The following ADAMTS19 variants were observed in gnomAD, a reference collection of about 807,000 sequenced individuals.
The protein encoded by ADAMTS19 is A disintegrin and metalloproteinase with thrombospondin motifs 19.
A neutral mutation model predicts 153.3 loss-of-function variants in ADAMTS19; 93 were observed. The ratio of observed to expected loss-of-function variants is 0.61; its 90% CI spans 0.51 to 0.72. The LOEUF is 0.72. Among genes scored for constraint, ADAMTS19 ranks in the 30% least tolerant of loss-of-function variants. The pLI, the probability that ADAMTS19 is intolerant of heterozygous loss-of-function variation, is 0.00. For synonymous variants in ADAMTS19, 600 were observed against 556.6 expected (o/e 1.08, Z -1.10); for missense variants, 1,482 against 1,552.1 (o/e 0.95, Z 0.76).
intron 14 of ADAMTS19, among the ~76,000 whole-genome samples, chr5:129,656,348 C>T (rs1581193082): frequency 6.6e-6 from 1 of 152,132 alleles, no homozygotes; most frequent in African/African-American, 2.4e-5. Flanking sequence ...TTTAGTTTTT[C>T]TGACAACCCT....
intron 6 of ADAMTS19, among the ~76,000 whole-genome samples, chr5:129,540,748 T>A (rs898571895): frequency 6.6e-6 from 1 of 152,114 alleles, no homozygotes; most frequent in Non-Finnish European, 1.5e-5. Flanking sequence ...TATTCTCAGA[T>A]GCATCTTCAT....
intron 6 of ADAMTS19, among the ~76,000 whole-genome samples, chr5:129,534,852 G>A (rs1752356060): frequency 6.6e-6 from 1 of 152,082 alleles, no homozygotes; most frequent in South Asian, 2.1e-4. Flanking sequence ...ATGCAGAAAA[G>A]GCCTTTGACA....
intron 7 of ADAMTS19, among the ~76,000 whole-genome samples, chr5:129,582,739 AT>A (rs57833122): frequency 0.2 from 27,853 of 140,754 alleles, 3,782 homozygotes; most frequent in African/African-American, 0.41. Flanking sequence ...TGCCCAGCTA[AT>A]TTTTTTTTTT....
chr5:129,680,398 T>C (rs925621054), intron 17 of ADAMTS19, among the ~76,000 whole-genome samples: 1 of 152,166 alleles, frequency 6.6e-6, no homozygotes, highest in Non-Finnish European at 1.5e-5. Context: ...TTGTTATTAA[T>C]GGATTTTTGT....
intron 7 of ADAMTS19, among the ~76,000 whole-genome samples, chr5:129,552,132 A>G (rs1017304409): frequency 1.3e-5 from 2 of 151,946 alleles, no homozygotes; most frequent in African/African-American, 4.8e-5. Context: ...CTTTAAGGCT[A>G]TAATTAGTCC....
chr5:129,509,005 A>G, intron 2 of ADAMTS19, 72 bp from the exon 3 acceptor site: 3 of 1,279,990 alleles, frequency 2.3e-6, no homozygotes, highest in Non-Finnish European at 2.1e-6. Context: ...AACAGAATGT[A>G]TGAATGGAAG....
intron 13 of ADAMTS19, among the ~76,000 whole-genome samples, chr5:129,650,753 T>G (rs1175817978): frequency 6.6e-6 from 1 of 152,034 alleles, no homozygotes; most frequent in Non-Finnish European, 1.5e-5. Context: ...TATTTAAGAC[T>G]CTCCCACTAA....
At position 129,688,347 on chromosome 5, in the gene ADAMTS19, T is replaced by G. The variant is rs77773223; in HGVS notation, c.2818+4074T>G. ...GCAAGTAAAGTATCACAGGGCAGTA[T>G]AAAATGTGTGTATAAGATGTTATTT... On this transcript the variant is annotated intron_variant, in intron 18 of 22. Coordinates refer to ENST00000274487, the MANE Select transcript of ADAMTS19 (RefSeq NM_133638.6). The G allele has an allele frequency of 3.1e-3, 478 of 152,290 alleles. 2 individuals are homozygous for G. Among genetic ancestry groups the G allele is most frequent in the African/African-American group, 0.011 (467 of 41,568 alleles). The allele number at this position is 152,290 out of a possible 1,614,324, so 9.4% of individuals were successfully genotyped here.
intron 13 of ADAMTS19, among the ~76,000 whole-genome samples, chr5:129,650,711 GT>G (rs1753280585): frequency 1.3e-5 from 2 of 152,052 alleles, no homozygotes; most frequent in South Asian, 4.1e-4. Flanking sequence ...AATCTTCTCT[GT>G]TTTGGATCAT....
At chr5:129,581,552 G>A (rs1749516256) in intron 7 of ADAMTS19, among the ~76,000 whole-genome samples, 1 of 150,182 alleles carries the variant, frequency 6.7e-6, no homozygotes, top group Non-Finnish European at 1.5e-5. Context: ...AAAAAAAAAA[G>A]CTCCTGGATT....
chr5:129,619,720 C>G (rs571361262), intron 8 of ADAMTS19, among the ~76,000 whole-genome samples: 8 of 151,806 alleles, frequency 5.3e-5, no homozygotes, highest in Non-Finnish European at 1.0e-4. Flanking sequence ...TTTGTATATA[C>G]TGTCATAAGG....
intron 7 of ADAMTS19, among the ~76,000 whole-genome samples, chr5:129,560,858 T>A (rs577445029): frequency 4.7e-4 from 72 of 152,250 alleles, no homozygotes; most frequent in African/African-American, 1.7e-3. Flanking sequence ...CAAGTTTTTT[T>A]AAAAAAATAG....
chr5:129,674,681 C>A (rs1754478189), intron 16 of ADAMTS19, among the ~76,000 whole-genome samples: 1 of 152,172 alleles, frequency 6.6e-6, no homozygotes, highest in African/African-American at 2.4e-5. Context: ...GTATACTCCT[C>A]TTTTTCCTTC....
At chr5:129,570,030 C>G (rs1216637513) in intron 7 of ADAMTS19, among the ~76,000 whole-genome samples, 1 of 151,944 alleles carries the variant, frequency 6.6e-6, no homozygotes, top group African/African-American at 2.4e-5. Flanking sequence ...CTCCTATTGA[C>G]TCTCCAAAAG....
chr5:129,574,052 C>T (rs1291070182), intron 7 of ADAMTS19, among the ~76,000 whole-genome samples: 7 of 152,028 alleles, frequency 4.6e-5, no homozygotes, highest in Middle Eastern at 3.4e-3. Context: ...CTAAGTACCA[C>T]GGGTTTTAAA....
intron 6 of ADAMTS19, among the ~76,000 whole-genome samples, chr5:129,549,521 G>A (rs1268821510): frequency 2.0e-5 from 3 of 151,472 alleles, no homozygotes; most frequent in African/African-American, 4.8e-5. Context: ...CAAACTTAGA[G>A]ACCGAGTACT....
chr5:129,558,945 A>AAAT, intron 7 of ADAMTS19, among the ~76,000 whole-genome samples: 1 of 152,112 alleles, frequency 6.6e-6, no homozygotes, highest in South Asian at 2.1e-4. Flanking sequence ...GATTTCTTAG[A>AAAT]GAGTACACAG....
At chr5:129,469,520 T>G (rs916021113) in intron 2 of ADAMTS19, among the ~76,000 whole-genome samples, 2 of 152,210 alleles carry the variant, frequency 1.3e-5, no homozygotes, top group Admixed American at 1.3e-4. Flanking sequence ...CCCTTCTTTT[T>G]AGCAATTCTG....
chr5:129,488,602 C>G (rs73787521), intron 2 of ADAMTS19, among the ~76,000 whole-genome samples: 9 of 151,882 alleles, frequency 5.9e-5, no homozygotes, highest in Non-Finnish European at 8.8e-5. Context: ...GTTTACTACC[C>G]AAGCCAATAG....
Sources: gnomAD v4.1 joint callset for allele counts (sites outside exome capture counted in the v4.1 genomes callset) on GRCh38, gnomAD v4.1.1 for gene constraint, MANE v1.5 for transcripts, NCBI Gene and HGNC (gene_info 2026-07-23, HGNC 2026-07-21) for gene names.